Variants in CRCP observed in about 807,000 individuals in gnomAD.
The protein encoded by CRCP is CGRP receptor component, also known as DNA-directed RNA polymerase III subunit RPC9.
A neutral mutation model predicts 18.5 loss-of-function variants in CRCP; 18 were observed. The ratio of observed to expected loss-of-function variants is 0.97; its 90% CI spans 0.67 to 1.44. CRCP has a LOEUF of 1.44. CRCP is among the 40% of genes most tolerant of loss of function. The probability of loss-of-function intolerance (pLI) is 0.00; values close to 1 mark genes in which losing one functional copy is unlikely to be tolerated. For missense variants in CRCP, 130 were observed against 176.4 expected (o/e 0.74, Z 1.49); for synonymous variants, 53 against 62.9 (o/e 0.84, Z 0.75).
chr7:66,142,728 C>T (rs901575995), intron 4 of CRCP, among the ~76,000 whole-genome samples: 4 of 152,128 alleles, frequency 2.6e-5, no homozygotes, highest in Admixed American at 6.5e-5. Context: ...AACTCCCAGC[C>T]TCAAGTGATC....
intron 1 of CRCP, among the ~76,000 whole-genome samples, chr7:66,124,728 G>T (rs113799206): frequency 2.4e-5 from 3 of 126,660 alleles, no homozygotes; most frequent in Non-Finnish European, 5.6e-5. Context: ...CCATACACAG[G>T]TGCACACACT....
At chr7:66,142,849 C>T (rs1788180541) in intron 4 of CRCP, among the ~76,000 whole-genome samples, 1 of 152,054 alleles carries the variant, frequency 6.6e-6, no homozygotes, top group East Asian at 1.9e-4. Context: ...CTGGTCTTCA[C>T]TCACTCCACA....
chr7:66,135,495 TCTTC>T (rs1338630921), intron 4 of CRCP, among the ~76,000 whole-genome samples: 1 of 152,258 alleles, frequency 6.6e-6, no homozygotes, highest in African/African-American at 2.4e-5. Context: ...AGAAGACCTT[TCTTC>T]CTTCTTTTTT....
chr7:66,147,509 TC>T (rs1788334897), intron 5 of CRCP, among the ~76,000 whole-genome samples: 1 of 152,146 alleles, frequency 6.6e-6, no homozygotes. Flanking sequence ...ATTGGGACCT[TC>T]TGATTCAGAA....
intron 2 of CRCP, 111 bp downstream of exon 2, chr7:66,127,851 C>A: frequency 8.5e-7 from 1 of 1,175,460 alleles, no homozygotes; most frequent in Non-Finnish European, 1.3e-6. Flanking sequence ...CAGTGGTTCA[C>A]GCCTGTAATC....
chr7:66,122,957 T>C (rs1334424066), intron 1 of CRCP, among the ~76,000 whole-genome samples: 3 of 8,102 alleles, frequency 3.7e-4, no homozygotes, highest in African/African-American at 2.3e-3. Context: ...CTTTCTTTCT[T>C]TTTTTTTTTT....
At chr7:66,150,049 G>T (rs966834423) in intron 5 of CRCP, among the ~76,000 whole-genome samples, 2 of 151,656 alleles carry the variant, frequency 1.3e-5, no homozygotes, top group African/African-American at 4.8e-5. Context: ...CTTGTGATCC[G>T]CCCACCTCAG....
intron 3 of CRCP, among the ~76,000 whole-genome samples, chr7:66,133,746 A>T (rs1356395403): frequency 5.4e-5 from 8 of 148,212 alleles, no homozygotes; most frequent in African/African-American, 2.0e-4. Flanking sequence ...TTCATTAGTT[A>T]TTCTTCCTCT....
intron 1 of CRCP, among the ~76,000 whole-genome samples, chr7:66,122,856 A>T (rs1787487580): frequency 6.6e-6 from 1 of 152,176 alleles, no homozygotes; most frequent in Non-Finnish European, 1.5e-5. Context: ...CTCTGTGTGC[A>T]CAAGTCCCTG....
intron 1 of CRCP, chr7:66,119,539 C>T (rs1258748139): frequency 1.3e-5 from 2 of 152,112 alleles, no homozygotes; most frequent in East Asian, 3.9e-4. Context: ...GAGCCCTCAG[C>T]CTGTGGAATC....
At chr7:66,115,523 A>G (rs1787232862) in intron 1 of CRCP, among the ~76,000 whole-genome samples, 2 of 152,162 alleles carry the variant, frequency 1.3e-5, no homozygotes, top group South Asian at 4.1e-4. Flanking sequence ...GACTGGGACC[A>G]GAGAAACAGC....
At chr7:66,134,544 T>TA in intron 4 of CRCP, 170 bp downstream of exon 4, 5 of 336,346 alleles carry the variant, frequency 1.5e-5, no homozygotes, top group Admixed American at 7.6e-5. Flanking sequence ...AAGGAACAAA[T>TA]CTTTTTTTTT....
At chr7:66,148,183 G>A (rs781072929) in intron 5 of CRCP, among the ~76,000 whole-genome samples, 23 of 152,106 alleles carry the variant, frequency 1.5e-4, no homozygotes, top group Non-Finnish European at 3.1e-4. Flanking sequence ...CCAACATGGC[G>A]AAACCTCATC....
At chr7:66,116,105 G>A (rs1787253389) in intron 1 of CRCP, among the ~76,000 whole-genome samples, 1 of 152,056 alleles carries the variant, frequency 6.6e-6, no homozygotes, top group Non-Finnish European at 1.5e-5. Context: ...GGCCTCTTCC[G>A]ATTTTTTTTT....
rs57502731 is a variant in CRCP at position 66,124,044 on chromosome 7, CAAAAAAAAAAA to C, written c.9-3634_9-3624del. On this transcript the variant is annotated intron_variant, in intron 1 of 5. Coordinates refer to ENST00000395326, the MANE Select transcript of CRCP (RefSeq NM_014478.5). ...TGGGTGACAGAGTGAGACTCCGTCTCAAAAAAAAAAAAAAAAAAAAAAAAAAAAAAAAAAAA... is the reference window on the plus strand; with the variant it reads ...TGGGTGACAGAGTGAGACTCCGTCTCAAAAAAAAAAAAAAAAAAAAAAAAA... Among the ~76,000 whole-genome samples the C allele has an allele frequency of 9.6e-4, 13 of 13,524 alleles. No homozygotes were observed. The East Asian group carries it at 0.029, about 31-fold the overall frequency. 8.9% of individuals were successfully genotyped at this position (13,524 alleles called of 152,430 possible).
chr7:66,131,449 C>CT (rs1304113027), intron 3 of CRCP, among the ~76,000 whole-genome samples: 1 of 152,148 alleles, frequency 6.6e-6, no homozygotes, highest in Non-Finnish European at 1.5e-5. Context: ...ATGCTCCCAG[C>CT]TTAGCTTCCC....
intron 4 of CRCP, among the ~76,000 whole-genome samples, chr7:66,139,635 C>T (rs316331): frequency 0.11 from 16,157 of 152,224 alleles, 1,025 homozygotes; most frequent in South Asian, 0.2. Context: ...GACTTCAAGT[C>T]GGTCTTGCCT....
Position 66,152,306 on chromosome 7 carries a change from GA to G in CRCP, c.398del (p.Lys133ArgfsTer66). On this transcript the variant is annotated frameshift_variant, in exon 6 of 6. Coordinates refer to ENST00000395326, the MANE Select transcript of CRCP (RefSeq NM_014478.5). LOFTEE classifies it low-confidence loss of function (END_TRUNC). The part of the protein sequence containing the change: ...ILPAEPEAEQ[K>X]KNTNSNVAMD... ...TGCCTGCAGAGCCAGAGGCTGAGCA[GA>G]AGAAGAATACAAACAGCAATGTGGC... 1.9e-6 allele frequency: 3 copies of G among 1,614,114 alleles called. No homozygotes were observed. The highest frequency in any genetic ancestry group is 1.7e-6 in the Non-Finnish European group (2 of 1,179,984).
At chr7:66,129,055 CG>C (rs1246471987) in intron 2 of CRCP, among the ~76,000 whole-genome samples, 10 of 151,988 alleles carry the variant, frequency 6.6e-5, no homozygotes, top group African/African-American at 2.4e-4. Flanking sequence ...AATTAGCGGC[CG>C]GGCGCGGTGT....
Sources: gnomAD v4.1 joint callset for allele counts (sites outside exome capture counted in the v4.1 genomes callset) on GRCh38, gnomAD v4.1.1 for gene constraint, MANE v1.5 for transcripts, NCBI Gene and HGNC (gene_info 2026-07-23, HGNC 2026-07-21) for gene names.